The following PLEKHA5 variants were observed in gnomAD, a reference collection of about 807,000 sequenced individuals.
The protein encoded by PLEKHA5 is pleckstrin homology domain-containing family A member 5.
PLEKHA5 carries 55 observed loss-of-function variants against 181.9 expected under a neutral mutation model. That is an observed-to-expected ratio of 0.30 (90% CI 0.24 to 0.38). PLEKHA5 has a LOEUF of 0.38. Among genes scored for constraint, PLEKHA5 ranks in the 10% least tolerant of loss-of-function variants. The probability of loss-of-function intolerance (pLI) is 1.00; values close to 1 mark genes in which losing one functional copy is unlikely to be tolerated. For synonymous variants in PLEKHA5, 535 were observed against 529.4 expected (o/e 1.01, Z -0.15); for missense variants, 1,432 against 1,549.5 (o/e 0.92, Z 1.27).
At chr12:19,261,371 C>G (rs980737261) in intron 7 of PLEKHA5, among the ~76,000 whole-genome samples, 1 of 152,064 alleles carries the variant, frequency 6.6e-6, no homozygotes, top group Admixed American at 6.6e-5. Flanking sequence ...TTCAAGCACC[C>G]AATTCTGCTC....
intron 20 of PLEKHA5, among the ~76,000 whole-genome samples, chr12:19,324,998 A>T (rs577365059): frequency 6.6e-6 from 1 of 152,260 alleles, no homozygotes; most frequent in Non-Finnish European, 1.5e-5. Flanking sequence ...TTCCTTATCA[A>T]CTGGGATTAA....
At chr12:19,239,285 A>T (rs946680639) in intron 3 of PLEKHA5, among the ~76,000 whole-genome samples, 1 of 152,172 alleles carries the variant, frequency 6.6e-6, no homozygotes, top group African/African-American at 2.4e-5. Context: ...CTCTGCTGGA[A>T]GGAAATGTGT....
chr12:19,372,536 G>A lies in PLEKHA5; in HGVS notation c.*11+2738G>A, dbSNP rs1026412022. ...TACTTCCTTTCACACCTTATTGTAG[G>A]AACTATAATCTGTGCCCTTTTTTTC... On this transcript the variant is annotated intron_variant, in intron 31 of 31. Coordinates refer to ENST00000429027, the MANE Select transcript of PLEKHA5 (RefSeq NM_001256470.2). The A allele has an allele frequency of 7.3e-5, 11 of 151,656 alleles. No individual in the cohort carries two copies. In the South Asian group the frequency reaches 8.3e-4, roughly 11 times the overall value. The allele number at this position is 151,656 out of a possible 1,614,324, so 9.4% of individuals were successfully genotyped here.
At chr12:19,357,506 A>G (rs138943356) in intron 26 of PLEKHA5, among the ~76,000 whole-genome samples, 44 of 152,214 alleles carry the variant, frequency 2.9e-4, no homozygotes, top group Middle Eastern at 6.8e-3. Flanking sequence ...TCAGCCTCCC[A>G]AAGTACTGGG....
In PLEKHA5 at chr12:19,195,060, T is replaced by C. The variant is rs114134308; in HGVS notation, c.228-58880T>C. Among the ~76,000 whole-genome samples, 739 of 152,272 alleles carry C rather than the reference T, an allele frequency of 4.9e-3. 7 individuals carry two copies. The highest frequency in any genetic ancestry group is 0.017 in the African/African-American group (709 of 41,576). On this transcript the variant is annotated intron_variant, in intron 3 of 31. Transcript: ENST00000429027. Reference sequence around the variant, plus strand: ...AATGTTCTCATGGTAATGTTCACAATAATTCTGTAGGGTGAGAAATAGTCT... The same window carrying C: ...AATGTTCTCATGGTAATGTTCACAACAATTCTGTAGGGTGAGAAATAGTCT...
chr12:19,216,925 A>G (rs1387258554), intron 3 of PLEKHA5, among the ~76,000 whole-genome samples: 1 of 152,208 alleles, frequency 6.6e-6, no homozygotes, highest in African/African-American at 2.4e-5. Context: ...CTCTCTCTCC[A>G]GAAAAAGTCC....
At chr12:19,218,584 A>G (rs566549900) in intron 3 of PLEKHA5, among the ~76,000 whole-genome samples, 1 of 152,300 alleles carries the variant, frequency 6.6e-6, no homozygotes, top group African/African-American at 2.4e-5. Flanking sequence ...TCTTTGTAGC[A>G]ATATCCAAAA....
chr12:19,176,967 G>A (rs897846426), intron 3 of PLEKHA5, among the ~76,000 whole-genome samples: 3 of 151,912 alleles, frequency 2.0e-5, no homozygotes, highest in Non-Finnish European at 2.9e-5. Flanking sequence ...TGGTTCAAGC[G>A]AGTCTCTCTC....
chr12:19,191,728 G>A (rs1205546989), intron 3 of PLEKHA5, among the ~76,000 whole-genome samples: 3 of 152,136 alleles, frequency 2.0e-5, no homozygotes, highest in African/African-American at 4.8e-5. Flanking sequence ...TACGAGGTTG[G>A]ATGAGCCTTA....
rs754523903 is a variant in PLEKHA5 at position 19,255,067 on chromosome 12, G to A, written c.334G>A (p.Glu112Lys). ...NEQTVATMTSEEKKERPISMI... is the reference protein window; with the variant it reads ...NEQTVATMTSKEKKERPISMI... ...CAGGACTGTTGCAACCATGACATCT[G>A]AAGAAAAGAAGGAACGGCCAATAAG... Residue 112 changes from glutamate to lysine, a missense_variant, in exon 5 of 32, where the codon GAA (glutamate) becomes AAA (lysine). By Grantham distance (56) the Glu-to-Lys change is moderately conservative (BLOSUM62 1). This residue lies in a region of PLEKHA5 where 289 missense variants were observed against 381.1 expected (regional missense o/e 0.76). Coordinates refer to ENST00000429027, the MANE Select transcript of PLEKHA5 (RefSeq NM_001256470.2). The A allele has an allele frequency of 1.2e-6, 2 of 1,607,510 alleles. No homozygotes were observed. Among genetic ancestry groups the A allele is most frequent in the East Asian group, 2.2e-5 (1 of 44,782 alleles).
chr12:19,323,815 CAAA>C (rs376204923), intron 20 of PLEKHA5, among the ~76,000 whole-genome samples: 32 of 115,974 alleles, frequency 2.8e-4, no homozygotes, highest in Non-Finnish European at 3.3e-4. Context: ...GACTCTGTTT[CAAA>C]AAAAAAAAAA....
At chr12:19,189,082 T>C (rs2050484646) in intron 3 of PLEKHA5, among the ~76,000 whole-genome samples, 1 of 152,164 alleles carries the variant, frequency 6.6e-6, no homozygotes, top group Admixed American at 6.5e-5. Flanking sequence ...GACATATATT[T>C]AGTTTACCAG....
At chr12:19,305,861 C>CAAAAA (rs376068601) in intron 15 of PLEKHA5, among the ~76,000 whole-genome samples, 2,313 of 37,548 alleles carry the variant, frequency 0.062, 474 homozygotes, top group Non-Finnish European at 0.079. Context: ...AACTCCATCT[C>CAAAAA]AAAAAAAAAA....
chr12:19,193,509 A>G (rs187342634), intron 3 of PLEKHA5, among the ~76,000 whole-genome samples: 2 of 152,224 alleles, frequency 1.3e-5, no homozygotes, highest in East Asian at 1.9e-4. Flanking sequence ...TAATTTGTAT[A>G]TAATCATAGG....
At chr12:19,236,756 T>C (rs2152420838) in intron 3 of PLEKHA5, among the ~76,000 whole-genome samples, 1 of 152,304 alleles carries the variant, frequency 6.6e-6, no homozygotes, top group Admixed American at 6.5e-5. Flanking sequence ...TATTTTACTC[T>C]TATGGCTGGA....
chr12:19,253,343 G>A (rs1242619292), intron 3 of PLEKHA5, among the ~76,000 whole-genome samples: 3 of 151,284 alleles, frequency 2.0e-5, no homozygotes, highest in Non-Finnish European at 2.9e-5. Flanking sequence ...CCAAAATGCT[G>A]GGATTACAGG....
chr12:19,233,578 A>G (rs895342204), intron 3 of PLEKHA5, among the ~76,000 whole-genome samples: 29 of 152,294 alleles, frequency 1.9e-4, no homozygotes, highest in Admixed American at 5.9e-4. Context: ...TACTAGAGTG[A>G]ATGCTGGGAA....
At chr12:19,193,636 C>T (rs925513442) in intron 3 of PLEKHA5, among the ~76,000 whole-genome samples, 1 of 152,204 alleles carries the variant, frequency 6.6e-6, no homozygotes, top group Non-Finnish European at 1.5e-5. Context: ...CCTCCCAGCA[C>T]ATCGTACCTA....
In PLEKHA5 at chr12:19,240,871, T is replaced by C. The variant is rs188302838; in HGVS notation, c.228-13069T>C. On this transcript the variant is annotated intron_variant, in intron 3 of 31. Coordinates refer to ENST00000429027, the MANE Select transcript of PLEKHA5 (RefSeq NM_001256470.2). ...ATTTTGAAAGTCAGTAAGACTCTTG[T>C]GACACAATATTTTTATACAAGTGAC... is the stretch of plus-strand genomic sequence containing the variant. Among the ~76,000 whole-genome samples, 475 of 152,272 alleles carry C rather than the reference T, an allele frequency of 3.1e-3. 1 individual carries two copies. Among genetic ancestry groups the C allele is most frequent in the Middle Eastern group, 6.8e-3 (2 of 294 alleles).
Sources: gnomAD v4.1 joint callset for allele counts (sites outside exome capture counted in the v4.1 genomes callset) on GRCh38, gnomAD v4.1.1 for gene constraint, gnomAD v4.1.1 regional missense constraint, MANE v1.5 for transcripts, NCBI Gene and HGNC (gene_info 2026-07-23, HGNC 2026-07-21) for gene names.